The following USP15 variants were observed in gnomAD, a reference collection of about 807,000 sequenced individuals.
USP15 encodes the protein ubiquitin specific peptidase 15.
Under a neutral mutation model 127.1 loss-of-function variants are expected in USP15, and 18 were observed. That is an observed-to-expected ratio of 0.14 (90% confidence interval 0.10 to 0.21). USP15 has a LOEUF of 0.21. USP15 is among the 10% of genes least tolerant of loss of function. The pLI is 1.00. For synonymous variants in USP15, 364 were observed against 393.7 expected (o/e 0.92, Z 0.89); for missense variants, 805 against 1,159.9 (o/e 0.69, Z 4.44).
At chr12:62,391,775 A>T (rs766111280) in intron 16 of USP15, 41 bp from the exon 17 acceptor site, 12 of 1,457,628 alleles carry the variant, frequency 8.2e-6, no homozygotes, top group Non-Finnish European at 1.1e-5. Flanking sequence ...TAATACTAAG[A>T]CATATTAAAT....
intron 7 of USP15, among the ~76,000 whole-genome samples, chr12:62,353,682 A>AT (rs895357604): frequency 6.4e-4 from 97 of 151,958 alleles, no homozygotes; most frequent in African/African-American, 2.1e-3. Context: ...GAAAAACAGG[A>AT]TTTTTTTTGT....
At position 62,370,486 on chromosome 12, in the gene USP15, C is replaced by G. The variant is rs917768948; in HGVS notation, c.916-11004C>G. Among the ~76,000 whole-genome samples the G allele has an allele frequency of 2.0e-5, 3 of 152,148 alleles. No homozygotes were observed. In the East Asian group the frequency reaches 5.8e-4, roughly 29 times the overall value. On this transcript the variant is annotated intron_variant, in intron 8 of 21. Transcript: ENST00000280377. Reference sequence around the variant, plus strand: ...TGCCTGTATTCAAATCCTAATTCTGCCACTTACAAGTTGTGTGACCTTGGA... The same window carrying G: ...TGCCTGTATTCAAATCCTAATTCTGGCACTTACAAGTTGTGTGACCTTGGA...
intron 1 of USP15, chr12:62,279,273 C>T (rs929208468): frequency 3.9e-5 from 6 of 152,112 alleles, no homozygotes; most frequent in Non-Finnish European, 5.9e-5. Flanking sequence ...GACTCATTTA[C>T]TTCATTTAGC....
chr12:62,304,620 C>T (rs779760615), intron 3 of USP15: 13 of 413,272 alleles, frequency 3.1e-5, no homozygotes, highest in Non-Finnish European at 5.3e-5. Context: ...ATGCAGAAAC[C>T]AAGTTAAACA....
intron 1 of USP15, chr12:62,267,320 A>G (rs866863264): frequency 1.1e-4 from 17 of 152,172 alleles, no homozygotes; most frequent in African/African-American, 3.6e-4. Context: ...CAAGAAATCT[A>G]GCATAAGCCT....
chr12:62,409,943 C>T lies in USP15; in HGVS notation c.*5568C>T, dbSNP rs2067997907. On this transcript the variant is annotated 3_prime_UTR_variant, in exon 22 of 22. Coordinates refer to ENST00000280377, the MANE Select transcript of USP15 (RefSeq NM_001252078.2). ...CTTTTAAACTCCATAAAGGAGTATT[C>T]GATGTTAACAGACGTAACTCTTTAA... The T allele has an allele frequency of 6.6e-6, 1 of 151,810 alleles. No individual in the cohort carries two copies. Among genetic ancestry groups the T allele is most frequent in the African/African-American group, 2.4e-5 (1 of 41,326 alleles). The allele number at this position is 151,810 out of a possible 1,614,324, so 9.4% of individuals were successfully genotyped here.
chr12:62,346,158 A>G (rs765489164), intron 6 of USP15, among the ~76,000 whole-genome samples: 3 of 152,262 alleles, frequency 2.0e-5, no homozygotes, highest in Non-Finnish European at 4.4e-5. Context: ...CATGACAGCC[A>G]TGATACTTCA....
chr12:62,387,703 T>C (rs1365447212), intron 11 of USP15, among the ~76,000 whole-genome samples: 1 of 152,096 alleles, frequency 6.6e-6, no homozygotes, highest in Non-Finnish European at 1.5e-5. Context: ...AAGGAAGTTA[T>C]GATAATATAG....
chr12:62,384,901 G>C (rs181369679), intron 11 of USP15, among the ~76,000 whole-genome samples: 1 of 151,780 alleles, frequency 6.6e-6, no homozygotes, highest in Non-Finnish European at 1.5e-5. Context: ...CCGTTACCTA[G>C]TGTTATAATT....
chr12:62,267,434 A>G (rs1369988556), intron 1 of USP15, among the ~76,000 whole-genome samples: 1 of 152,176 alleles, frequency 6.6e-6, no homozygotes, highest in Non-Finnish European at 1.5e-5. Context: ...AATATAAAAC[A>G]GAAAACCCCT....
intron 2 of USP15, 70 bp downstream of exon 2, chr12:62,294,376 A>C: frequency 1.3e-6 from 2 of 1,539,896 alleles, no homozygotes; most frequent in South Asian, 2.6e-5. Flanking sequence ...CAGTGGGTTG[A>C]ATTTGGAAAA....
intron 8 of USP15, among the ~76,000 whole-genome samples, chr12:62,371,104 A>G (rs1008680902): frequency 3.2e-4 from 49 of 152,256 alleles, no homozygotes; most frequent in African/African-American, 1.1e-3. Context: ...GTGCTTCCAA[A>G]TTTATTGTTT....
At chr12:62,308,598 A>T (rs1194630584) in intron 3 of USP15, among the ~76,000 whole-genome samples, 1 of 152,136 alleles carries the variant, frequency 6.6e-6, no homozygotes, top group African/African-American at 2.4e-5. Context: ...AGAGGCTGCC[A>T]ACAGCTACAT....
intron 1 of USP15, among the ~76,000 whole-genome samples, chr12:62,266,739 T>C (rs987169872): frequency 3.3e-5 from 5 of 152,104 alleles, no homozygotes; most frequent in Non-Finnish European, 7.4e-5. Context: ...AAAATATATA[T>C]ATTTATATGA....
chr12:62,325,923 T>C lies in USP15; in HGVS notation c.673T>C (p.Ser225Pro), dbSNP rs2065109340. Residue 225 changes from serine to proline, a missense_variant, in exon 6 of 22, where the codon TCT (serine) becomes CCT (proline). Ser to Pro is a moderately conservative substitution (Grantham distance 74, BLOSUM62 -1). Coordinates refer to ENST00000280377, the MANE Select transcript of USP15 (RefSeq NM_001252078.2). ...NEDGTWPRGP[S>P]TPKSPGASNF... ...AGATGGAACATGGCCAAGGGGTCCTTCTACTCCTAAGTAAGTGCTCCCACT... is the reference window on the plus strand; with the variant it reads ...AGATGGAACATGGCCAAGGGGTCCTCCTACTCCTAAGTAAGTGCTCCCACT... 1.2e-6 allele frequency: 2 copies of C among 1,609,854 alleles called. No homozygotes were observed.
intron 4 of USP15, among the ~76,000 whole-genome samples, chr12:62,318,826 C>A (rs2064906082): frequency 6.6e-6 from 1 of 152,124 alleles, no homozygotes; most frequent in Admixed American, 6.6e-5. Context: ...TTGCTTAGGC[C>A]AAAAATCATT....
chr12:62,346,061 A>G (rs912379138), intron 6 of USP15, among the ~76,000 whole-genome samples: 2 of 152,170 alleles, frequency 1.3e-5, no homozygotes, highest in Non-Finnish European at 2.9e-5. Flanking sequence ...TTCCTAACGT[A>G]AAAGAGAAAA....
chr12:62,395,649 C>T (rs997246402), intron 19 of USP15, among the ~76,000 whole-genome samples: 9 of 151,730 alleles, frequency 5.9e-5, no homozygotes, highest in African/African-American at 2.2e-4. Context: ...CCCTACCTTC[C>T]CACCACACTT....
In USP15 at chr12:62,292,362, C is replaced by T. The variant is rs530246476; in HGVS notation, c.90-1817C>T. Among the ~76,000 whole-genome samples the T allele has an allele frequency of 5.3e-5, 8 of 152,338 alleles. No homozygotes were observed. In the South Asian group the frequency reaches 1.4e-3, roughly 28 times the overall value. On this transcript the variant is annotated intron_variant, in intron 1 of 21. Coordinates refer to ENST00000280377, the MANE Select transcript of USP15 (RefSeq NM_001252078.2). ...CTTCTGTGCTATCTGGAAATGGGTG[C>T]CATGCAGACTCTGCTCCCTCCCCAT...
Sources: gnomAD v4.1 joint callset for allele counts (sites outside exome capture counted in the v4.1 genomes callset) on GRCh38, gnomAD v4.1.1 for gene constraint, MANE v1.5 for transcripts, NCBI Gene and HGNC (gene_info 2026-07-23, HGNC 2026-07-21) for gene names.